Variants in SPATS2 observed in about 807,000 individuals in gnomAD.
SPATS2 encodes spermatogenesis-associated serine-rich protein 2.
SPATS2 carries 38 observed loss-of-function variants against 63.7 expected under a neutral mutation model. The ratio of observed to expected loss-of-function variants is 0.60; its 90% CI spans 0.46 to 0.78. The LOEUF (loss-of-function observed/expected upper bound fraction) is 0.78. Ranked by LOEUF, SPATS2 falls within the 30% of genes least tolerant of loss-of-function variation. The pLI is 0.00. For synonymous variants in SPATS2, 207 were observed against 232.9 expected (o/e 0.89, Z 1.01); for missense variants, 588 against 666.2 (o/e 0.88, Z 1.29).
chr12:49,423,493 C>T (rs1328796467), intron 2 of SPATS2, among the ~76,000 whole-genome samples: 1 of 152,132 alleles, frequency 6.6e-6, no homozygotes, highest in Non-Finnish European at 1.5e-5. Context: ...GTGGCTTGGT[C>T]CCCACTTTTC....
At chr12:49,426,260 C>T (rs1332724628) in intron 2 of SPATS2, among the ~76,000 whole-genome samples, 3 of 151,166 alleles carry the variant, frequency 2.0e-5, no homozygotes, top group Admixed American at 6.6e-5. Flanking sequence ...AAGGGTACAA[C>T]GTAATGAATT....
chr12:49,468,960 A>G (rs1033287380), intron 3 of SPATS2, among the ~76,000 whole-genome samples: 1 of 152,128 alleles, frequency 6.6e-6, no homozygotes, highest in Non-Finnish European at 1.5e-5. Context: ...AATCTTTACA[A>G]AGTAAAATAA....
intron 2 of SPATS2, among the ~76,000 whole-genome samples, chr12:49,455,553 G>A (rs546864683): frequency 2.6e-5 from 4 of 152,120 alleles, no homozygotes; most frequent in African/African-American, 4.8e-5. Context: ...GACTACAGGT[G>A]TGTGCTACCA....
Position 49,465,603 on chromosome 12 carries a change from G to T in SPATS2, c.25+4566G>T, listed in dbSNP as rs374356247. Among the ~76,000 whole-genome samples, 34 of 152,114 alleles carry T rather than the reference G, an allele frequency of 2.2e-4. No homozygotes were observed. In the South Asian group the frequency reaches 6.4e-3, roughly 29 times the overall value. ...ATTCTGAATACAAGTTCTTTATCAG[G>T]TACATGATTTGTAAGTATATTCTCC... On this transcript the variant is annotated intron_variant, in intron 3 of 13. Coordinates refer to ENST00000552918, the MANE Select transcript of SPATS2 (RefSeq NM_023071.4).
At chr12:49,521,546 C>T (rs1376282286) in intron 11 of SPATS2, among the ~76,000 whole-genome samples, 3 of 152,234 alleles carry the variant, frequency 2.0e-5, no homozygotes, top group African/African-American at 7.2e-5. Flanking sequence ...AGAATGCTGG[C>T]TCTCACAGGC....
chr12:49,452,287 A>T (rs147043253), intron 2 of SPATS2, among the ~76,000 whole-genome samples: 2,759 of 152,180 alleles, frequency 0.018, 45 homozygotes, highest in Non-Finnish European at 0.029. Flanking sequence ...TTTTTAAAAA[A>T]TTTTTACTTT....
At chr12:49,368,284 C>T (rs1407681438) in intron 1 of SPATS2, among the ~76,000 whole-genome samples, 2 of 152,180 alleles carry the variant, frequency 1.3e-5, no homozygotes, top group Non-Finnish European at 2.9e-5. Context: ...ATTTGATTAT[C>T]GCTTGTCCAT....
chr12:49,440,286 G>C (rs976829571), intron 2 of SPATS2, among the ~76,000 whole-genome samples: 7 of 152,090 alleles, frequency 4.6e-5, no homozygotes, highest in African/African-American at 1.7e-4. Context: ...TGATATAATA[G>C]TGTATTTCCT....
chr12:49,393,635 T>C (rs1224881149), intron 2 of SPATS2, among the ~76,000 whole-genome samples: 1 of 152,226 alleles, frequency 6.6e-6, no homozygotes, highest in Non-Finnish European at 1.5e-5. Context: ...GATATTTATG[T>C]ATTTAATATG....
intron 2 of SPATS2, among the ~76,000 whole-genome samples, chr12:49,440,777 A>G (rs1371881092): frequency 1.3e-5 from 2 of 152,114 alleles, no homozygotes; most frequent in Non-Finnish European, 2.9e-5. Flanking sequence ...AATATTTTTT[A>G]ATAAATACAG....
intron 2 of SPATS2, among the ~76,000 whole-genome samples, chr12:49,385,783 G>C (rs1159005551): frequency 2.0e-5 from 3 of 152,068 alleles, no homozygotes; most frequent in African/African-American, 7.2e-5. Context: ...GATTGCCAGG[G>C]AGCATTGAGA....
At chr12:49,503,193 T>C (rs1168083352) in intron 9 of SPATS2, among the ~76,000 whole-genome samples, 1 of 151,554 alleles carries the variant, frequency 6.6e-6, no homozygotes, top group Non-Finnish European at 1.5e-5. Context: ...CTACTAAACA[T>C]TCAAAAATTA....
intron 4 of SPATS2, chr12:49,486,130 T>A (rs1946288654): frequency 2.4e-6 from 1 of 419,508 alleles, no homozygotes; most frequent in Admixed American, 2.6e-5. Context: ...TAAATACTTG[T>A]ATTTTAAGTT....
chr12:49,519,347 C>T (rs1284729512), intron 11 of SPATS2, among the ~76,000 whole-genome samples, 165 bp downstream of exon 11: 1 of 152,176 alleles, frequency 6.6e-6, no homozygotes, highest in Non-Finnish European at 1.5e-5. Context: ...TATCATCTAC[C>T]CAGTTGTCCC....
chr12:49,520,805 A>G (rs546828571), intron 11 of SPATS2, among the ~76,000 whole-genome samples: 4 of 150,078 alleles, frequency 2.7e-5, no homozygotes, highest in African/African-American at 9.8e-5. Context: ...TGCAACCTTT[A>G]CCTCCTGGGT....
chr12:49,512,452 G>A (rs1162938921), intron 9 of SPATS2, among the ~76,000 whole-genome samples: 1 of 151,650 alleles, frequency 6.6e-6, no homozygotes, highest in Non-Finnish European at 1.5e-5. Context: ...TTTAATGGAG[G>A]GGTTATATGG....
At chr12:49,516,101 C>G (rs1003923304) in intron 10 of SPATS2, among the ~76,000 whole-genome samples, 1 of 128,420 alleles carries the variant, frequency 7.8e-6, no homozygotes, top group African/African-American at 3.0e-5. Flanking sequence ...GATTGCGCCA[C>G]TGCACTCCAG....
At position 49,526,519 on chromosome 12, in the gene SPATS2, C is replaced by G; in HGVS notation, c.*264C>G. ...CACCAGGAATCAGAGGCAGCTGTTA[C>G]CAGGTTTCGGCCTTCCAGTTGATCC... On this transcript the variant is annotated 3_prime_UTR_variant, in exon 14 of 14. Transcript: ENST00000552918. 1 of 457,978 alleles carries G rather than the reference C, an allele frequency of 2.2e-6. No homozygotes were observed. The highest frequency in any genetic ancestry group is 3.9e-6 in the Non-Finnish European group (1 of 259,674). 28.4% of individuals were successfully genotyped at this position (457,978 alleles called of 1,614,324 possible). A position where few individuals can be genotyped will look rare whatever the true frequency, so the allele number is the denominator to read the frequency against.
Position 49,460,911 on chromosome 12 carries a change from A to G in SPATS2, c.-102A>G, listed in dbSNP as rs1482846589. On this transcript the variant is annotated 5_prime_UTR_variant, in exon 3 of 14. Transcript: ENST00000552918. The stretch of plus-strand genomic sequence containing the variant: ...TCGTATTTTTTGCTTCCAACTGCAC[A>G]CTTCCGTTGCCCACTTTTAAATCAG... The G allele has an allele frequency of 7.2e-7, 1 of 1,382,228 alleles. No individual in the cohort carries two copies. The highest frequency in any genetic ancestry group is 1.0e-6 in the Non-Finnish European group (1 of 989,482). The allele number at this position is 1,382,228 out of a possible 1,614,324, so 85.6% of individuals were successfully genotyped here. A position where few individuals can be genotyped will look rare whatever the true frequency, so the allele number is the denominator to read the frequency against.
Sources: allele counts gnomAD v4.1 joint callset (sites outside exome capture counted in the v4.1 genomes callset), GRCh38; gene constraint gnomAD v4.1.1; transcripts MANE v1.5; gene names NCBI Gene and HGNC (gene_info 2026-07-23, HGNC 2026-07-21).